LARP4: variants seen among roughly 807,000 people sequenced by gnomAD.
LARP4 encodes the protein la-related protein 4.
In LARP4, 29 loss-of-function variants were observed where a neutral mutation model predicts 92.9. The ratio of observed to expected loss-of-function variants is 0.31; its 90% CI spans 0.23 to 0.43. LARP4 has a LOEUF of 0.43. Among genes scored for constraint, LARP4 ranks in the 20% least tolerant of loss-of-function variants. The pLI is 1.00. For synonymous variants in LARP4, 279 were observed against 284.1 expected (o/e 0.98, Z 0.18); for missense variants, 732 against 860.0 (o/e 0.85, Z 1.86).
At chr12:50,428,576 C>T (rs1429967757) in intron 2 of LARP4, among the ~76,000 whole-genome samples, 1 of 152,150 alleles carries the variant, frequency 6.6e-6, no homozygotes, top group African/African-American at 2.4e-5. Context: ...TATTTACTCA[C>T]TGTTCGACCT....
intron 1 of LARP4, among the ~76,000 whole-genome samples, chr12:50,413,421 A>G (rs980559402): frequency 6.6e-6 from 1 of 152,214 alleles, no homozygotes; most frequent in Non-Finnish European, 1.5e-5. Flanking sequence ...TATATTTTAC[A>G]GTATCACAGA....
chr12:50,459,072 C>G (rs936270651), intron 10 of LARP4, among the ~76,000 whole-genome samples: 1 of 152,112 alleles, frequency 6.6e-6, no homozygotes, highest in Admixed American at 6.5e-5. Flanking sequence ...GATCTTGGCT[C>G]CCTGCAAACT....
rs568825337 is a variant in LARP4, at chr12:50,453,091, T to C, written c.805-369T>C. ...ATGCCCAGCTTTTTTTTTTTTTTTTTCCTTGTAAGGGATGGGTCTCACTGT... is the reference window on the plus strand; with the variant it reads ...ATGCCCAGCTTTTTTTTTTTTTTTTCCCTTGTAAGGGATGGGTCTCACTGT... On this transcript the variant is annotated intron_variant, in intron 8 of 15. Coordinates refer to ENST00000398473, the MANE Select transcript of LARP4 (RefSeq NM_052879.5). Among the ~76,000 whole-genome samples the C allele has an allele frequency of 2.7e-5, 4 of 150,710 alleles. No individual in the cohort carries two copies. In the South Asian group the frequency reaches 8.4e-4, roughly 32 times the overall value.
At chr12:50,432,283 T>C (rs1949774581) in intron 4 of LARP4, among the ~76,000 whole-genome samples, 1 of 152,248 alleles carries the variant, frequency 6.6e-6, no homozygotes, top group South Asian at 2.1e-4. Context: ...GATATAACTC[T>C]AGACAGAGTT....
intron 1 of LARP4, among the ~76,000 whole-genome samples, chr12:50,421,760 A>T (rs548793873): frequency 6.6e-6 from 1 of 152,194 alleles, no homozygotes; most frequent in Non-Finnish European, 1.5e-5. Flanking sequence ...TCCCGCCTAT[A>T]ACCACATGCT....
intron 8 of LARP4, among the ~76,000 whole-genome samples, chr12:50,443,085 TTA>T (rs1427938563): frequency 6.6e-6 from 1 of 152,230 alleles, no homozygotes; most frequent in Non-Finnish European, 1.5e-5. Context: ...GGAATTAATT[TTA>T]TATATAGTAT....
chr12:50,401,515 T>A (rs2136150131), intron 1 of LARP4, among the ~76,000 whole-genome samples: 1 of 152,338 alleles, frequency 6.6e-6, no homozygotes, highest in East Asian at 1.9e-4. Context: ...AAAGTTCTTT[T>A]GAGCAACTTC....
chr12:50,467,646 A>G (rs911755439), intron 13 of LARP4, among the ~76,000 whole-genome samples: 5 of 152,110 alleles, frequency 3.3e-5, no homozygotes, highest in African/African-American at 1.2e-4. Context: ...TAGAACTGAT[A>G]ACTGACTAAT....
At chr12:50,413,973 T>TA (rs1284313654) in intron 1 of LARP4, among the ~76,000 whole-genome samples, 4 of 152,154 alleles carry the variant, frequency 2.6e-5, no homozygotes, top group African/African-American at 7.2e-5. Context: ...TCCTTGTACT[T>TA]ACATGTTTTT....
chr12:50,402,408 T>A (rs1402076622), intron 1 of LARP4, among the ~76,000 whole-genome samples: 4 of 152,198 alleles, frequency 2.6e-5, no homozygotes, highest in Non-Finnish European at 5.9e-5. Flanking sequence ...TTAGGCAGAA[T>A]AAGAAATCAG....
At chr12:50,437,439 GAA>G (rs1950598416) in intron 5 of LARP4, among the ~76,000 whole-genome samples, 2 of 151,756 alleles carry the variant, frequency 1.3e-5, no homozygotes, top group Admixed American at 1.3e-4. Context: ...TTATATACAA[GAA>G]ATTTGCCTTA....
chr12:50,460,544 G>A (rs957737070), intron 10 of LARP4, among the ~76,000 whole-genome samples: 13 of 151,878 alleles, frequency 8.6e-5, no homozygotes, highest in Admixed American at 3.9e-4. Context: ...AGCTGGTGTC[G>A]AACCCCAGAT....
chr12:50,469,347 G>A (rs1956604602), intron 13 of LARP4, among the ~76,000 whole-genome samples: 2 of 152,180 alleles, frequency 1.3e-5, no homozygotes, highest in African/African-American at 4.8e-5. Context: ...GCTTACGCCT[G>A]TAATCCCAGC....
intron 1 of LARP4, among the ~76,000 whole-genome samples, chr12:50,407,121 G>A (rs1334627864): frequency 6.6e-6 from 1 of 151,980 alleles, no homozygotes; most frequent in East Asian, 1.9e-4. Flanking sequence ...CGCCTCCTGG[G>A]TTCAAGCGAT....
At chr12:50,416,070 G>A (rs950683857) in intron 1 of LARP4, among the ~76,000 whole-genome samples, 1 of 152,142 alleles carries the variant, frequency 6.6e-6, no homozygotes, top group Non-Finnish European at 1.5e-5. Flanking sequence ...CTCTTTGAAA[G>A]TACACAATGG....
At chr12:50,440,203 C>T (rs901641874) in intron 6 of LARP4, among the ~76,000 whole-genome samples, 1 of 152,128 alleles carries the variant, frequency 6.6e-6, no homozygotes, top group African/African-American at 2.4e-5. Context: ...TTGGAGTGCT[C>T]AGGCGGAAGG....
intron 8 of LARP4, among the ~76,000 whole-genome samples, chr12:50,449,923 ATTTTTTTT>A (rs60763691): frequency 3.4e-4 from 16 of 47,026 alleles, no homozygotes; most frequent in East Asian, 8.3e-4. Flanking sequence ...AGCCATAGCA[ATTTTTTTT>A]TTTTTTTTTT....
At chr12:50,462,428 A>C (rs1565719689) in intron 11 of LARP4, among the ~76,000 whole-genome samples, 154 bp from the exon 12 acceptor site, 1 of 151,534 alleles carries the variant, frequency 6.6e-6, no homozygotes, top group Non-Finnish European at 1.5e-5. Flanking sequence ...TAGTGAGCCG[A>C]GATCGCGCCA....
At chr12:50,421,246 G>T (rs936060878) in intron 1 of LARP4, 2 of 984,116 alleles carry the variant, frequency 2.0e-6, no homozygotes, top group African/African-American at 3.5e-5. Context: ...ACCGTACCCA[G>T]CCGGCTTTTA....
Sources: gnomAD v4.1 joint callset for allele counts (sites outside exome capture counted in the v4.1 genomes callset) on GRCh38, gnomAD v4.1.1 for gene constraint, MANE v1.5 for transcripts, NCBI Gene and HGNC (gene_info 2026-07-23, HGNC 2026-07-21) for gene names.